The following RAPGEF5 variants were observed in gnomAD, a reference collection of about 807,000 sequenced individuals.
The protein encoded by RAPGEF5 is Rap guanine nucleotide exchange factor 5, also known as M-Ras-regulated GEF.
In RAPGEF5, 65 loss-of-function variants were observed where a neutral mutation model predicts 125.2. That is an observed-to-expected ratio of 0.52 (90% CI 0.43 to 0.64). RAPGEF5 has a LOEUF of 0.64. Among genes scored for constraint, RAPGEF5 ranks in the 30% least tolerant of loss-of-function variants. RAPGEF5 has a pLI of 0.00. For synonymous variants in RAPGEF5, 391 were observed against 385.9 expected, an observed-to-expected ratio of 1.01 and a Z score of -0.16; for missense variants, 958 against 1,048.1, an observed-to-expected ratio of 0.91 and a Z score of 1.19.
chr7:22,288,140 T>G (rs148189347), intron 6 of RAPGEF5, among the ~76,000 whole-genome samples: 155 of 152,330 alleles, frequency 1.0e-3, no homozygotes, highest in Non-Finnish European at 1.9e-3. Flanking sequence ...TCAGAGGGTC[T>G]TTTGAATGTG....
intron 7 of RAPGEF5, among the ~76,000 whole-genome samples, chr7:22,250,868 C>A (rs1786601784): frequency 6.6e-6 from 1 of 152,126 alleles, no homozygotes; most frequent in South Asian, 2.1e-4. Flanking sequence ...ATCGACCAAG[C>A]CTACCTCTGC....
chr7:22,185,157 G>A (rs17766562), intron 11 of RAPGEF5, among the ~76,000 whole-genome samples: 19,185 of 152,104 alleles, frequency 0.13, 1,283 homozygotes, highest in African/African-American at 0.15. Context: ...AATAATCTTC[G>A]GGATACAACT....
intron 9 of RAPGEF5, among the ~76,000 whole-genome samples, chr7:22,198,454 G>C (rs1785203158): frequency 6.6e-6 from 1 of 152,142 alleles, no homozygotes; most frequent in African/African-American, 2.4e-5. Context: ...TTTAATTCAG[G>C]GTCTTAGCTT....
intron 7 of RAPGEF5, among the ~76,000 whole-genome samples, chr7:22,253,360 G>A (rs1476547454): frequency 3.9e-5 from 6 of 152,154 alleles, no homozygotes; most frequent in African/African-American, 1.4e-4. Flanking sequence ...AGTGATGGGC[G>A]CTGCTGGACA....
chr7:22,191,606 G>C, intron 11 of RAPGEF5: 1 of 470,948 alleles, frequency 2.1e-6, no homozygotes, highest in East Asian at 6.9e-5. Context: ...TGAGCACATG[G>C]CAGAAGTGAC....
At chr7:22,226,829 G>C (rs1785930416) in intron 8 of RAPGEF5, among the ~76,000 whole-genome samples, 1 of 152,142 alleles carries the variant, frequency 6.6e-6, no homozygotes, top group African/African-American at 2.4e-5. Context: ...CATCACCTTT[G>C]TATAGGATGG....
At chr7:22,308,054 G>GT (rs1309804078) in intron 5 of RAPGEF5, among the ~76,000 whole-genome samples, 7 of 152,266 alleles carry the variant, frequency 4.6e-5, no homozygotes, top group African/African-American at 1.7e-4. Context: ...CCAATCATAT[G>GT]TTTTTTCTTA....
intron 11 of RAPGEF5, among the ~76,000 whole-genome samples, chr7:22,178,388 C>A (rs575257056): frequency 6.6e-6 from 1 of 152,268 alleles, no homozygotes; most frequent in African/African-American, 2.4e-5. Flanking sequence ...ACAGACCTCA[C>A]AGACCAGGGG....
At chr7:22,280,244 T>C (rs989798959) in intron 6 of RAPGEF5, among the ~76,000 whole-genome samples, 6 of 152,136 alleles carry the variant, frequency 3.9e-5, no homozygotes, top group Non-Finnish European at 8.8e-5. Context: ...TGAGGCCGGA[T>C]TGTAACTGTA....
At chr7:22,165,617 G>A (rs377379466) in intron 12 of RAPGEF5, among the ~76,000 whole-genome samples, 6 of 152,036 alleles carry the variant, frequency 3.9e-5, no homozygotes, top group African/African-American at 1.2e-4. Flanking sequence ...GCAAAATATC[G>A]ACTATAGCTT....
At chr7:22,320,858 T>C (rs535965640) in intron 1 of RAPGEF5, among the ~76,000 whole-genome samples, 1 of 152,302 alleles carries the variant, frequency 6.6e-6, no homozygotes, top group South Asian at 2.1e-4. Context: ...ATTAAGCCCA[T>C]GAATTCTTTT....
At chr7:22,352,941 G>A (rs922807843) in intron 1 of RAPGEF5, among the ~76,000 whole-genome samples, 1 of 152,184 alleles carries the variant, frequency 6.6e-6, no homozygotes, top group Non-Finnish European at 1.5e-5. Flanking sequence ...GTAGAAGACA[G>A]ACAGCTAAGT....
intron 8 of RAPGEF5, among the ~76,000 whole-genome samples, chr7:22,221,836 T>A (rs972217100): frequency 4.6e-5 from 7 of 152,192 alleles, no homozygotes; most frequent in African/African-American, 1.4e-4. Flanking sequence ...AGCAGACTAA[T>A]ACAATATCCC....
chr7:22,281,519 G>C (rs1196179287), intron 6 of RAPGEF5, among the ~76,000 whole-genome samples: 2 of 152,188 alleles, frequency 1.3e-5, no homozygotes, highest in Non-Finnish European at 2.9e-5. Context: ...TGGTGAAGAA[G>C]ATAATATCTA....
chr7:22,161,819 T>G (rs895975339), intron 13 of RAPGEF5, among the ~76,000 whole-genome samples: 3 of 152,218 alleles, frequency 2.0e-5, no homozygotes, highest in African/African-American at 7.2e-5. Flanking sequence ...TTCTCTGTCC[T>G]AACCTGCAGA....
chr7:22,230,748 T>A (rs1164008029), intron 8 of RAPGEF5, 98 bp downstream of exon 8: 1 of 1,148,170 alleles, frequency 8.7e-7, no homozygotes, highest in Non-Finnish European at 1.2e-6. Context: ...TTACAAAACA[T>A]AAAAGGTAAA....
intron 1 of RAPGEF5, among the ~76,000 whole-genome samples, chr7:22,327,072 T>G (rs1191372824): frequency 1.3e-5 from 2 of 152,230 alleles, no homozygotes; most frequent in Non-Finnish European, 2.9e-5. Flanking sequence ...CCTTTTAAAT[T>G]GGGAATTTTC....
intron 9 of RAPGEF5, among the ~76,000 whole-genome samples, chr7:22,199,531 G>GAAAAAAAAAAAAAAAA (rs35024654): frequency 3.2e-5 from 2 of 62,830 alleles, no homozygotes; most frequent in Non-Finnish European, 5.6e-5. Flanking sequence ...CCTTAAAATT[G>GAAAAAAAAAAAAAAAA]AAAAAAAAAA....
At chr7:22,312,831 C>T (rs938026962) in intron 3 of RAPGEF5, among the ~76,000 whole-genome samples, 8 of 152,174 alleles carry the variant, frequency 5.3e-5, no homozygotes, top group African/African-American at 1.9e-4. Flanking sequence ...ATTAATATCA[C>T]CAAAGCATAC....
Sources: allele counts gnomAD v4.1 joint callset (sites outside exome capture counted in the v4.1 genomes callset), GRCh38; gene constraint gnomAD v4.1.1; transcripts MANE v1.5; gene names NCBI Gene and HGNC (gene_info 2026-07-23, HGNC 2026-07-21).